The following CGB5 variants were observed in gnomAD, a reference collection of about 807,000 sequenced individuals.
CGB5 encodes chorionic gonadotropin, beta polypeptide 5.
CGB5 carries 2 observed loss-of-function variants against 7.6 expected under a neutral mutation model. That is an observed-to-expected ratio of 0.26 (90% confidence interval 0.11 to 0.83). The LOEUF (loss-of-function observed/expected upper bound fraction) is 0.83, where lower values mean the gene tolerates loss of function less well. CGB5 is among the 40% of genes least tolerant of loss of function. The pLI is 0.65. For missense variants in CGB5, 48 were observed against 228.2 expected, an observed-to-expected ratio of 0.21 and a Z score of 5.09; for synonymous variants, 25 against 99.8, an observed-to-expected ratio of 0.25 and a Z score of 4.47.
chr19:49,044,276 G>A (rs2039915331), intron 1 of CGB5, 52 bp downstream of exon 1: 2 of 1,612,356 alleles, frequency 1.2e-6, no homozygotes, highest in Non-Finnish European at 1.7e-6. Context: ...GGCAATCACT[G>A]GCATGAGAAG....
chr19:49,044,682 G>C lies in CGB5; in HGVS notation c.121G>C (p.Glu41Gln), dbSNP rs1186513574. ...CAATGCCACCCTGGCTGTGGAGAAG[G>C]AGGGCTGCCCCGTGTGCATCACCGT... ...PINATLAVEK[E>Q]GCPVCITVNT... is the part of the protein sequence containing the mutation. Residue 41 changes from glutamate (E) to glutamine (Q), a missense_variant, in exon 2 of 3, where the codon GAG (glutamate) becomes CAG (glutamine). Glu to Gln is a conservative substitution (Grantham distance 29). This residue lies in a region of CGB5 where 5 missense variants were observed against 66.5 expected (regional missense o/e 0.08). Transcript: ENST00000301408. 6.6e-7 allele frequency: 1 copy of C among 1,521,222 alleles called. No individual in the cohort carries two copies. Among genetic ancestry groups the C allele is most frequent in the African/African-American group, 1.5e-5 (1 of 68,448 alleles). 94.2% of individuals were successfully genotyped at this position (1,521,222 alleles called of 1,614,324 possible).
rs1477278261 is a variant in CGB5, at chr19:49,043,946, G to A, written c.-264G>A. On this transcript the variant is annotated 5_prime_UTR_variant, in exon 1 of 3. Coordinates refer to ENST00000301408, the MANE Select transcript of CGB5 (RefSeq NM_033043.2). ...CCCTACTCCCTGTGCCTCCAGGCTC[G>A]ACTAGTCCCTAGCACTCGACGACTG... The A allele has an allele frequency of 2.3e-5, 27 of 1,174,618 alleles. No homozygotes were observed. The highest frequency in any genetic ancestry group is 6.2e-5 in the African/African-American group (4 of 64,182). 72.8% of individuals were successfully genotyped at this position (1,174,618 alleles called of 1,614,324 possible). A position where few individuals can be genotyped will look rare whatever the true frequency, so the allele number is the denominator to read the frequency against.
intron 1 of CGB5, 140 bp from the exon 2 acceptor site, chr19:49,044,437 G>A: frequency 6.8e-7 from 1 of 1,468,772 alleles, no homozygotes; most frequent in South Asian, 1.4e-5. Context: ...CTGAAAGGCA[G>A]GTGTCCGGGT....
chr19:49,045,171 C>T lies in CGB5; in HGVS notation c.375C>T (p.Asp125=). Residue 125 remains aspartate (D), a synonymous_variant, in exon 3 of 3, where the codon GAC becomes GAT. Coordinates refer to ENST00000301408, the MANE Select transcript of CGB5 (RefSeq NM_033043.2). The stretch of plus-strand genomic sequence containing the variant: ...CCACTGACTGCGGGGGTCCCAAGGA[C>T]CACCCCTTGACCTGTGATGACCCCC... ...RSTTDCGGPK[D]HPLTCDDPRF... 2 of 1,557,054 alleles carry T rather than the reference C, an allele frequency of 1.3e-6. No individual in the cohort carries two copies. The highest frequency in any genetic ancestry group is 1.7e-6 in the Non-Finnish European group (2 of 1,148,214).
intron 1 of CGB5, 136 bp from the exon 2 acceptor site, chr19:49,044,441 T>C: frequency 6.8e-7 from 1 of 1,465,898 alleles, no homozygotes; most frequent in Non-Finnish European, 9.0e-7. Flanking sequence ...AAGGCAGGTG[T>C]CCGGGTGGTG....
chr19:49,043,907 C>G lies in CGB5; in HGVS notation c.-303C>G. The G allele has an allele frequency of 6.4e-6, 8 of 1,241,302 alleles. No individual in the cohort carries two copies. The highest frequency in any genetic ancestry group is 8.4e-6 in the Non-Finnish European group (8 of 946,908). The allele number at this position is 1,241,302 out of a possible 1,614,324, so 76.9% of individuals were successfully genotyped here. A position where few individuals can be genotyped will look rare whatever the true frequency, so the allele number is the denominator to read the frequency against. On this transcript the variant is annotated 5_prime_UTR_variant, in exon 1 of 3. Coordinates refer to ENST00000301408, the MANE Select transcript of CGB5 (RefSeq NM_033043.2). The stretch of plus-strand genomic sequence containing the variant: ...CCCAGGACCCCACCATAGGCAGAGG[C>G]AGGCCTTCCTACACCCTACTCCCTG...
At chr19:49,044,277 G>T in intron 1 of CGB5, 53 bp downstream of exon 1, 1 of 1,612,348 alleles carries the variant, frequency 6.2e-7, no homozygotes, top group Non-Finnish European at 8.5e-7. Flanking sequence ...GCAATCACTG[G>T]CATGAGAAGG....
At chr19:49,044,845 G>A (rs1218439193) in intron 2 of CGB5, 101 bp downstream of exon 2, 38 of 1,100,110 alleles carry the variant, frequency 3.5e-5, no homozygotes, top group Middle Eastern at 3.0e-4. Flanking sequence ...CAGGGGCTGC[G>A]GAATGGGGTG....
chr19:49,044,981 C>A lies in CGB5; in HGVS notation c.185C>A (p.Thr62Asn), dbSNP rs1434120292. ...TICAGYCPTM[T>N]RVLQGVLPAL... The stretch of plus-strand genomic sequence containing the variant: ...TTCCCCCACTCACACGGCTTCCAGA[C>A]CCGCGTGCTGCAGGGGGTCCTGCCG... Residue 62 changes from threonine (T) to asparagine (N), a missense_variant and splice_region_variant, in exon 3 of 3, where the codon ACC (threonine) becomes AAC (asparagine). Thr to Asn is a moderately conservative substitution (Grantham distance 65). Around this residue, in one of 3 missense-constraint regions of CGB5, gnomAD observed 34 missense variants for 145.1 expected, o/e 0.23. Transcript: ENST00000301408. 6.4e-7 allele frequency: 1 copy of A among 1,564,648 alleles called. No homozygotes were observed. Among genetic ancestry groups the A allele is most frequent in the East Asian group, 2.2e-5 (1 of 44,648 alleles).
rs372528003 is a variant in CGB5 at position 49,044,152 on chromosome 19, C to A, written c.-58C>A. On this transcript the variant is annotated 5_prime_UTR_variant, in exon 1 of 3. Coordinates refer to ENST00000301408, the MANE Select transcript of CGB5 (RefSeq NM_033043.2). ...ATCCTACAACCTCCTGGTGGCCTTG[C>A]CGCCCCCACAACCCCGAGGTATAAA... 3.1e-4 allele frequency: 506 copies of A among 1,613,642 alleles called. 1 individual carries two copies. Among genetic ancestry groups the A allele is most frequent in the Admixed American group, 5.2e-4 (31 of 59,990 alleles).
chr19:49,044,170 G>C lies in CGB5; in HGVS notation c.-40G>C. ...GGCCTTGCCGCCCCCACAACCCCGAGGTATAAAGCCAGGTACACGAGGCAG... is the reference window on the plus strand; with the variant it reads ...GGCCTTGCCGCCCCCACAACCCCGACGTATAAAGCCAGGTACACGAGGCAG... On this transcript the variant is annotated 5_prime_UTR_variant, in exon 1 of 3. Transcript: ENST00000301408. The C allele has an allele frequency of 6.2e-7, 1 of 1,613,734 alleles. No individual in the cohort carries two copies. Among genetic ancestry groups the C allele is most frequent in the Non-Finnish European group, 8.5e-7 (1 of 1,179,872 alleles).
rs540432391 is a variant in CGB5 at position 49,043,993 on chromosome 19, G to T, written c.-217G>T. 1 of 1,229,362 alleles carries T rather than the reference G, an allele frequency of 8.1e-7. No individual in the cohort carries two copies. The highest frequency in any genetic ancestry group is 1.1e-6 in the Non-Finnish European group (1 of 900,596). 76.2% of individuals were successfully genotyped at this position (1,229,362 alleles called of 1,614,324 possible). On this transcript the variant is annotated 5_prime_UTR_variant, in exon 1 of 3. Transcript: ENST00000301408. ...ACTGAGTCTCTGAGATCACTTCACCGTGGTCTCCGCCTCACCCTTGGCGCT... is the reference window on the plus strand; with the variant it reads ...ACTGAGTCTCTGAGATCACTTCACCTTGGTCTCCGCCTCACCCTTGGCGCT...
chr19:49,044,085 A>G lies in CGB5; in HGVS notation c.-125A>G. On this transcript the variant is annotated 5_prime_UTR_variant, in exon 1 of 3. Coordinates refer to ENST00000301408, the MANE Select transcript of CGB5 (RefSeq NM_033043.2). Reference sequence around the variant, plus strand: ...CTCCTGCGCCCCCCTGGCCTTGTCTACCTCTTGCCCCCCGAAGGGTTAGTG... The same window carrying G: ...CTCCTGCGCCCCCCTGGCCTTGTCTGCCTCTTGCCCCCCGAAGGGTTAGTG... 6.4e-7 allele frequency: 1 copy of G among 1,572,160 alleles called. No individual in the cohort carries two copies. Among genetic ancestry groups the G allele is most frequent in the Non-Finnish European group, 8.7e-7 (1 of 1,145,816 alleles).
At position 49,044,188 on chromosome 19, in the gene CGB5, C is replaced by A. The variant is rs566597050; in HGVS notation, c.-22C>A. ...ACCCCGAGGTATAAAGCCAGGTACA[C>A]GAGGCAGGGGACGCACCAAGGATGG... On this transcript the variant is annotated 5_prime_UTR_variant, in exon 1 of 3. Transcript: ENST00000301408. The A allele has an allele frequency of 1.2e-6, 2 of 1,613,610 alleles. No homozygotes were observed. The highest frequency in any genetic ancestry group is 1.3e-5 in the African/African-American group (1 of 74,730).
chr19:49,044,367 C>CT, intron 1 of CGB5, 143 bp downstream of exon 1: 1 of 1,603,164 alleles, frequency 6.2e-7, no homozygotes, highest in Non-Finnish European at 8.5e-7. Flanking sequence ...GGGGCAGTTC[C>CT]TAAGGGTGGG....
chr19:49,044,169 A>T lies in CGB5; in HGVS notation c.-41A>T. 6.2e-7 allele frequency: 1 copy of T among 1,613,722 alleles called. No individual in the cohort carries two copies. Among genetic ancestry groups the T allele is most frequent in the Non-Finnish European group, 8.5e-7 (1 of 1,179,858 alleles). ...TGGCCTTGCCGCCCCCACAACCCCGAGGTATAAAGCCAGGTACACGAGGCA... is the reference window on the plus strand; with the variant it reads ...TGGCCTTGCCGCCCCCACAACCCCGTGGTATAAAGCCAGGTACACGAGGCA... On this transcript the variant is annotated 5_prime_UTR_variant, in exon 1 of 3. Coordinates refer to ENST00000301408, the MANE Select transcript of CGB5 (RefSeq NM_033043.2).
In CGB5 at chr19:49,044,269, A is replaced by C. The variant is rs376431435; in HGVS notation, c.15+45A>C. On this transcript the variant is annotated intron_variant, in intron 1 of 2. Coordinates refer to ENST00000301408, the MANE Select transcript of CGB5 (RefSeq NM_033043.2). The stretch of plus-strand genomic sequence containing the variant: ...GGGCACCTTCCACCTCCTTCCAGGC[A>C]ATCACTGGCATGAGAAGGGGCAGAC... 1.2e-3 allele frequency: 1,952 copies of C among 1,611,586 alleles called. 5 individuals are homozygous for C. The highest frequency in any genetic ancestry group is 1.4e-3 in the Non-Finnish European group (1,659 of 1,179,114).
chr19:49,044,255 A>C (rs1214291553), intron 1 of CGB5, 31 bp downstream of exon 1: 1 of 1,612,478 alleles, frequency 6.2e-7, no homozygotes, highest in Admixed American at 1.7e-5. Context: ...GGCACCTTCC[A>C]CCTCCTTCCA....
At position 49,044,073 on chromosome 19, in the gene CGB5, C is replaced by G; in HGVS notation, c.-137C>G. 6.7e-7 allele frequency: 1 copy of G among 1,490,876 alleles called. No homozygotes were observed. The highest frequency in any genetic ancestry group is 2.3e-5 in the East Asian group (1 of 44,252). The allele number at this position is 1,490,876 out of a possible 1,614,324, so 92.4% of individuals were successfully genotyped here. A position where few individuals can be genotyped will look rare whatever the true frequency, so the allele number is the denominator to read the frequency against. On this transcript the variant is annotated 5_prime_UTR_variant, in exon 1 of 3. Coordinates refer to ENST00000301408, the MANE Select transcript of CGB5 (RefSeq NM_033043.2). ...TCCGCTGAGCCACTCCTGCGCCCCC[C>G]TGGCCTTGTCTACCTCTTGCCCCCC...
Sources: gnomAD v4.1 joint callset for allele counts on GRCh38, gnomAD v4.1.1 for gene constraint, gnomAD v4.1.1 regional missense constraint, MANE v1.5 for transcripts, NCBI Gene and HGNC (gene_info 2026-07-23, HGNC 2026-07-21) for gene names.